Variants in CSMD3 observed in about 807,000 individuals in gnomAD.
CSMD3 encodes the protein CUB and Sushi multiple domains 3.
Under a neutral mutation model 435.2 loss-of-function variants are expected in CSMD3, and 177 were observed. The ratio of observed to expected loss-of-function variants is 0.41; its 90% CI spans 0.36 to 0.46. CSMD3 has a LOEUF of 0.46. CSMD3 is among the 20% of genes least tolerant of loss of function. The pLI is 0.34. For synonymous variants in CSMD3, 1,656 were observed against 1,520.5 expected (o/e 1.09, Z -2.07); for missense variants, 4,265 against 4,504.6 (o/e 0.95, Z 1.52).
At chr8:112,459,012 T>C (rs1397499311) in intron 32 of CSMD3, among the ~76,000 whole-genome samples, 1 of 152,014 alleles carries the variant, frequency 6.6e-6, no homozygotes, top group Non-Finnish European at 1.5e-5. Context: ...AAACAATGAA[T>C]GCTTCCTCCC....
At chr8:112,594,034 A>T (rs1331365716) in intron 22 of CSMD3, among the ~76,000 whole-genome samples, 1 of 152,198 alleles carries the variant, frequency 6.6e-6, no homozygotes, top group African/African-American at 2.4e-5. Flanking sequence ...CCGAATAGGA[A>T]CAGCTCCGGT....
chr8:112,593,147 T>C (rs146554290), intron 22 of CSMD3, among the ~76,000 whole-genome samples: 7 of 152,352 alleles, frequency 4.6e-5, no homozygotes, highest in African/African-American at 1.4e-4. Context: ...GAACCAGTGA[T>C]TCATACGCCA....
chr8:112,517,503 A>G (rs941767379), intron 27 of CSMD3, among the ~76,000 whole-genome samples: 1 of 152,188 alleles, frequency 6.6e-6, no homozygotes, highest in African/African-American at 2.4e-5. Flanking sequence ...CTGGGAAAAT[A>G]TATTTGTTAG....
chr8:112,310,759 A>C (rs997811027), intron 50 of CSMD3: 14 of 635,868 alleles, frequency 2.2e-5, no homozygotes, highest in African/African-American at 5.4e-5. Flanking sequence ...AAGTCAAGGC[A>C]TATAAGTTGC....
chr8:113,028,686 C>T lies in CSMD3; in HGVS notation c.918-9507G>A, dbSNP rs186247024. On this transcript the variant is annotated intron_variant, in intron 5 of 70. Coordinates refer to ENST00000297405, the MANE Select transcript of CSMD3 (RefSeq NM_198123.2). ...AAACCAACCACCATATTCCCTTCAG[C>T]CAAAGCCTAATTCAGAGTAAGGCCC... Among the ~76,000 whole-genome samples, 58 of 151,546 alleles carry T rather than the reference C, an allele frequency of 3.8e-4. 1 individual carries two copies. The highest frequency in any genetic ancestry group is 1.1e-3 in the Admixed American group (16 of 15,220).
intron 1 of CSMD3, among the ~76,000 whole-genome samples, chr8:113,427,499 AAG>A (rs112905727): frequency 0.021 from 3,170 of 150,796 alleles, 95 homozygotes; most frequent in African/African-American, 0.072. Context: ...AAAAAAAAAA[AAG>A]AGGCTCATAA....
At chr8:112,680,649 G>A (rs2075868599) in intron 16 of CSMD3, among the ~76,000 whole-genome samples, 1 of 152,060 alleles carries the variant, frequency 6.6e-6, no homozygotes. Context: ...AAGTCATCTA[G>A]TTCTGCCCAC....
intron 41 of CSMD3, among the ~76,000 whole-genome samples, chr8:112,343,852 T>A (rs1252866814): frequency 6.6e-6 from 1 of 152,028 alleles, no homozygotes; most frequent in East Asian, 1.9e-4. Flanking sequence ...CCTCACTATG[T>A]TGCCCAGGCT....
intron 45 of CSMD3, 142 bp downstream of exon 45, chr8:112,335,187 G>A: frequency 8.6e-6 from 7 of 814,912 alleles, no homozygotes; most frequent in Non-Finnish European, 1.4e-5. Context: ...AAATGTGTTT[G>A]AAATGCTAAA....
chr8:112,745,507 T>G (rs2077407263), intron 13 of CSMD3, among the ~76,000 whole-genome samples: 1 of 152,066 alleles, frequency 6.6e-6, no homozygotes, highest in Non-Finnish European at 1.5e-5. Context: ...TTCTGTAAAA[T>G]TATTATGCAT....
At position 112,879,370 on chromosome 8, in the gene CSMD3, C is replaced by T. The variant is rs527874845; in HGVS notation, c.1634-20104G>A. 2.6e-5 allele frequency among the ~76,000 whole-genome samples: 4 copies of T among 152,224 alleles called. No homozygotes were observed. The South Asian group carries it at 6.2e-4, about 24-fold the overall frequency. On this transcript the variant is annotated intron_variant, in intron 10 of 70. Coordinates refer to ENST00000297405, the MANE Select transcript of CSMD3 (RefSeq NM_198123.2). Reference sequence around the variant, plus strand: ...AGTAAATCCTAGTCAGATGGGTTCTCTGCCCTTGAACCGTGTTTCCTGCTA... The same window carrying T: ...AGTAAATCCTAGTCAGATGGGTTCTTTGCCCTTGAACCGTGTTTCCTGCTA...
At chr8:113,306,885 T>C (rs2093825867) in intron 2 of CSMD3, among the ~76,000 whole-genome samples, 1 of 152,142 alleles carries the variant, frequency 6.6e-6, no homozygotes, top group Non-Finnish European at 1.5e-5. Context: ...CATTAGGCTT[T>C]TGAATTCTAT....
chr8:112,666,560 G>C (rs2075531337), intron 16 of CSMD3, 145 bp from the exon 17 acceptor site: 2 of 696,772 alleles, frequency 2.9e-6, no homozygotes, highest in Non-Finnish European at 2.5e-6. Context: ...GGTACATCTA[G>C]TCAATTACTT....
intron 5 of CSMD3, among the ~76,000 whole-genome samples, chr8:113,075,560 T>A (rs2089302306): frequency 6.6e-6 from 1 of 151,890 alleles, no homozygotes; most frequent in South Asian, 2.1e-4. Context: ...TATCTATATA[T>A]GCAGTCAGAA....
intron 13 of CSMD3, among the ~76,000 whole-genome samples, chr8:112,776,864 T>C (rs1426248958): frequency 6.6e-6 from 1 of 151,796 alleles, no homozygotes; most frequent in African/African-American, 2.4e-5. Context: ...CACTCGTGTG[T>C]AAAGATTAAC....
intron 59 of CSMD3, among the ~76,000 whole-genome samples, chr8:112,269,551 G>A (rs1817267021): frequency 6.6e-6 from 1 of 152,130 alleles, no homozygotes; most frequent in African/African-American, 2.4e-5. Flanking sequence ...AGCACTGTTT[G>A]TGTCTTCTTC....
intron 10 of CSMD3, among the ~76,000 whole-genome samples, chr8:112,872,911 T>C (rs1587536974): frequency 6.6e-6 from 1 of 151,672 alleles, no homozygotes; most frequent in Admixed American, 6.6e-5. Context: ...GGAAGAGAGA[T>C]GAGAAGTAAG....
intron 9 of CSMD3, among the ~76,000 whole-genome samples, chr8:112,937,051 G>C (rs2083300949): frequency 6.6e-6 from 1 of 151,984 alleles, no homozygotes; most frequent in African/African-American, 2.4e-5. Context: ...AATGTGATAA[G>C]GTGTGCACAG....
At chr8:112,646,531 T>C (rs1452822845) in intron 19 of CSMD3, among the ~76,000 whole-genome samples, 2 of 152,186 alleles carry the variant, frequency 1.3e-5, no homozygotes, top group African/African-American at 4.8e-5. Flanking sequence ...TTTTTGTCTG[T>C]AAGCTGTACC....
Sources: allele counts gnomAD v4.1 joint callset (sites outside exome capture counted in the v4.1 genomes callset), GRCh38; gene constraint gnomAD v4.1.1; transcripts MANE v1.5; gene names NCBI Gene and HGNC (gene_info 2026-07-23, HGNC 2026-07-21).